Variants in PTPRT observed in about 807,000 individuals in gnomAD.
The protein encoded by PTPRT is receptor-type tyrosine-protein phosphatase T.
PTPRT carries 56 observed loss-of-function variants against 176.8 expected under a neutral mutation model. That is an observed-to-expected ratio of 0.32 (90% confidence interval 0.26 to 0.40). The LOEUF (loss-of-function observed/expected upper bound fraction) is 0.40, where lower values mean the gene tolerates loss of function less well. Ranked by LOEUF, PTPRT falls within the 10% of genes least tolerant of loss-of-function variation. PTPRT has a pLI of 1.00. For missense variants in PTPRT, 1,540 were observed against 1,908.2 expected, an observed-to-expected ratio of 0.81 and a Z score of 3.60; for synonymous variants, 783 against 739.0, an observed-to-expected ratio of 1.06 and a Z score of -0.96.
chr20:42,949,670 T>C (rs1379799598), intron 1 of PTPRT, among the ~76,000 whole-genome samples: 1 of 152,174 alleles, frequency 6.6e-6, no homozygotes, highest in Non-Finnish European at 1.5e-5. Flanking sequence ...ACCCACAGAA[T>C]CATGAACACA....
rs961446528 is a variant in PTPRT, at chr20:42,077,900, T to A, written c.*2979A>T. The A allele has an allele frequency of 1.5e-5, 3 of 205,860 alleles. No homozygotes were observed. The highest frequency in any genetic ancestry group is 6.9e-5 in the African/African-American group (3 of 43,790). The allele number at this position is 205,860 out of a possible 1,614,324, so 12.8% of individuals were successfully genotyped here. On this transcript the variant is annotated 3_prime_UTR_variant, in exon 31 of 31. Transcript: ENST00000373187. ...ATGATAAAAGCCACTGTCTTTTGTA[T>A]CTGCCAGCTATTTCACCCCTTCCTG...
intron 29 of PTPRT, 137 bp from the exon 30 acceptor site, chr20:42,082,154 T>C: frequency 7.9e-7 from 1 of 1,270,674 alleles, no homozygotes; most frequent in Non-Finnish European, 1.1e-6. Flanking sequence ...GGCTTTAGCC[T>C]GAGCCATGAG....
chr20:42,086,747 A>T (rs377144106), intron 27 of PTPRT, among the ~76,000 whole-genome samples: 29,208 of 58,596 alleles, frequency 0.5, 7,120 homozygotes, highest in East Asian at 0.67. Context: ...AAAAAAAAAA[A>T]AAAAAAATAT....
chr20:42,869,814 G>A (rs1222340017), intron 2 of PTPRT, among the ~76,000 whole-genome samples: 1 of 152,168 alleles, frequency 6.6e-6, no homozygotes, highest in Non-Finnish European at 1.5e-5. Context: ...TTCACATGTT[G>A]GAACTTAAAC....
In PTPRT at chr20:43,164,567, G is replaced by A. The variant is rs1224995884; in HGVS notation, c.88+25079C>T. ...CCAAGGTCTTGAGGGAGACAGAGGT[G>A]TTGACTATACGAGAAGAGAAAAAAA... is the stretch of plus-strand genomic sequence containing the variant. On this transcript the variant is annotated intron_variant, in intron 1 of 30. Coordinates refer to ENST00000373187, the MANE Select transcript of PTPRT (RefSeq NM_007050.6). Among the ~76,000 whole-genome samples the A allele has an allele frequency of 3.3e-5, 5 of 152,190 alleles. No homozygotes were observed. The East Asian group carries it at 7.7e-4, about 23-fold the overall frequency.
intron 18 of PTPRT, among the ~76,000 whole-genome samples, chr20:42,138,767 C>T (rs1988491483): frequency 6.6e-6 from 1 of 152,314 alleles, no homozygotes; most frequent in African/African-American, 2.4e-5. Context: ...TCCCTAGAAA[C>T]CCCACTGTCT....
intron 2 of PTPRT, among the ~76,000 whole-genome samples, chr20:42,819,319 A>G (rs1465911045): frequency 6.6e-6 from 1 of 152,194 alleles, no homozygotes; most frequent in Non-Finnish European, 1.5e-5. Flanking sequence ...TAAGTAAAGG[A>G]GATATAAAAT....
At chr20:42,845,511 GT>G (rs1440440820) in intron 2 of PTPRT, among the ~76,000 whole-genome samples, 1 of 152,180 alleles carries the variant, frequency 6.6e-6, no homozygotes, top group Non-Finnish European at 1.5e-5. Context: ...CTGACTCTGA[GT>G]TTTCTACGAA....
intron 1 of PTPRT, among the ~76,000 whole-genome samples, chr20:43,159,356 T>G (rs1395441267): frequency 1.3e-5 from 2 of 152,202 alleles, no homozygotes; most frequent in Non-Finnish European, 2.9e-5. Context: ...CCAAAGGATG[T>G]GGACAGGGCA....
At chr20:42,984,708 C>T (rs148121336) in intron 1 of PTPRT, among the ~76,000 whole-genome samples, 2 of 152,138 alleles carry the variant, frequency 1.3e-5, no homozygotes, top group Non-Finnish European at 2.9e-5. Context: ...AGTAAATAGG[C>T]TCAGAGAAGT....
In PTPRT at chr20:42,905,003, A is replaced by G. The variant is rs1055694146; in HGVS notation, c.89-19071T>C. Among the ~76,000 whole-genome samples, 15 of 152,248 alleles carry G rather than the reference A, an allele frequency of 9.9e-5. 1 individual carries two copies. The highest frequency in any genetic ancestry group is 3.4e-4 in the African/African-American group (14 of 41,464). The stretch of plus-strand genomic sequence containing the variant: ...AGGCAATACCATTCAGGACATAGGC[A>G]TGGGCAAGGACTTCATGACTGAAAC... On this transcript the variant is annotated intron_variant, in intron 1 of 30. Transcript: ENST00000373187.
chr20:43,133,049 T>TAC (rs67845475), intron 1 of PTPRT, among the ~76,000 whole-genome samples: 72,489 of 151,706 alleles, frequency 0.48, 17,904 homozygotes, highest in East Asian at 0.83. Context: ...ATAGCATAAA[T>TAC]AGTTTAAATA....
chr20:43,096,227 C>G (rs891750525), intron 1 of PTPRT, among the ~76,000 whole-genome samples: 1 of 151,844 alleles, frequency 6.6e-6, no homozygotes, highest in African/African-American at 2.4e-5. Context: ...CTCCCTCTCC[C>G]TCCTCTTTTC....
chr20:42,554,339 T>C (rs1316560001), intron 7 of PTPRT, among the ~76,000 whole-genome samples: 1 of 152,176 alleles, frequency 6.6e-6, no homozygotes, highest in Non-Finnish European at 1.5e-5. Flanking sequence ...CATTAATGGA[T>C]TTTTTAAAAT....
At chr20:43,155,732 T>C (rs1366475039) in intron 1 of PTPRT, among the ~76,000 whole-genome samples, 1 of 152,206 alleles carries the variant, frequency 6.6e-6, no homozygotes, top group Non-Finnish European at 1.5e-5. Flanking sequence ...GTTAATTAGC[T>C]AGATTTAACC....
chr20:43,112,771 C>CT (rs1366771237), intron 1 of PTPRT, among the ~76,000 whole-genome samples: 1 of 152,194 alleles, frequency 6.6e-6, no homozygotes, highest in African/African-American at 2.4e-5. Flanking sequence ...CCCAGGGAGA[C>CT]TTTTAAAACA....
In PTPRT at chr20:42,128,799, C is replaced by T. The variant is rs753416493; in HGVS notation, c.2802G>A (p.Leu934=). The change falls in exon 19 of 31, where the codon CTG becomes CTA. Residue 934 remains leucine, a synonymous_variant. Transcript: ENST00000373187. ...TGTAGTCAGAGTGCGGGTCTCCATCCAGCACCAGCAGCCTCACCCGGGAAT... is the reference window on the plus strand; with the variant it reads ...TGTAGTCAGAGTGCGGGTCTCCATCTAGCACCAGCAGCCTCACCCGGGAAT... The part of the protein sequence containing the change: ...YDHSRVRLLV[L]DGDPHSDYIN... 5.6e-6 allele frequency: 9 copies of T among 1,606,938 alleles called. No individual in the cohort carries two copies. In the South Asian group the frequency reaches 8.9e-5, roughly 16 times the overall value.
chr20:42,184,045 G>A (rs375648772), intron 16 of PTPRT, among the ~76,000 whole-genome samples: 4 of 152,094 alleles, frequency 2.6e-5, no homozygotes, highest in Non-Finnish European at 4.4e-5. Flanking sequence ...AGGCATTTGG[G>A]CCTTCCATCC....
chr20:42,114,957 G>A (rs1299820923), intron 22 of PTPRT, among the ~76,000 whole-genome samples: 7 of 152,064 alleles, frequency 4.6e-5, no homozygotes, highest in Non-Finnish European at 4.4e-5. Flanking sequence ...GCATATTCCT[G>A]TGTGGCTTTT....
Sources: gnomAD v4.1 joint callset for allele counts (sites outside exome capture counted in the v4.1 genomes callset) on GRCh38, gnomAD v4.1.1 for gene constraint, MANE v1.5 for transcripts, NCBI Gene and HGNC (gene_info 2026-07-23, HGNC 2026-07-21) for gene names.